Variants in LSAMP observed in about 807,000 individuals in gnomAD.
LSAMP encodes the protein limbic system associated membrane protein, also known as limbic system-associated membrane protein.
Under a neutral mutation model 38.6 loss-of-function variants are expected in LSAMP, and 7 were observed. That is an observed-to-expected ratio of 0.18 (90% CI 0.10 to 0.34). The LOEUF is 0.34. Ranked by LOEUF, LSAMP falls within the 10% of genes least tolerant of loss-of-function variation. LSAMP has a pLI of 1.00. For missense variants in LSAMP, 313 were observed against 420.0 expected (o/e 0.75, Z 2.23); for synonymous variants, 154 against 166.8 (o/e 0.92, Z 0.59).
intron 1 of LSAMP, among the ~76,000 whole-genome samples, chr3:116,320,527 G>T (rs1559827095): frequency 6.6e-6 from 1 of 152,074 alleles, no homozygotes; most frequent in African/African-American, 2.4e-5. Context: ...AGAAGTATTG[G>T]ATTCTCCTAG....
chr3:116,062,759 T>C (rs541656390), intron 2 of LSAMP, among the ~76,000 whole-genome samples: 49 of 152,318 alleles, frequency 3.2e-4, no homozygotes, highest in African/African-American at 1.2e-3. Context: ...TCAAAGACCT[T>C]GATATCTTGG....
At chr3:115,838,881 CACACCAAT>C (rs1336077356) in intron 6 of LSAMP, among the ~76,000 whole-genome samples, 1 of 152,182 alleles carries the variant, frequency 6.6e-6, no homozygotes, top group African/African-American at 2.4e-5. Context: ...AATGCGCTGA[CACACCAAT>C]GAAGATGAAT....
intron 6 of LSAMP, among the ~76,000 whole-genome samples, chr3:115,820,090 T>C (rs920608665): frequency 1.7e-4 from 26 of 148,590 alleles, no homozygotes; most frequent in African/African-American, 6.3e-4. Flanking sequence ...TTTTCTGTTG[T>C]TATAGACAGA....
chr3:116,058,802 A>G (rs1941537937), intron 2 of LSAMP, among the ~76,000 whole-genome samples: 1 of 152,212 alleles, frequency 6.6e-6, no homozygotes, highest in Non-Finnish European at 1.5e-5. Flanking sequence ...TGGGACATAA[A>G]TGTTAAACTG....
At chr3:116,177,974 C>T (rs542778425) in intron 1 of LSAMP, among the ~76,000 whole-genome samples, 1 of 152,194 alleles carries the variant, frequency 6.6e-6, no homozygotes, top group Admixed American at 6.5e-5. Flanking sequence ...AATCAATGGG[C>T]AGTCTTGAAA....
intron 3 of LSAMP, among the ~76,000 whole-genome samples, chr3:115,953,587 T>C (rs1938362359): frequency 6.6e-6 from 1 of 152,176 alleles, no homozygotes; most frequent in African/African-American, 2.4e-5. Flanking sequence ...AGCAAAATGC[T>C]GGTGACCAGG....
At chr3:116,199,260 A>T (rs2045956015) in intron 1 of LSAMP, among the ~76,000 whole-genome samples, 1 of 152,126 alleles carries the variant, frequency 6.6e-6, no homozygotes, top group Non-Finnish European at 1.5e-5. Context: ...CTGTTAAGAA[A>T]TACATGGTTA....
Position 115,806,341 on chromosome 3 carries a change from A to G in LSAMP, c.*3976T>C, listed in dbSNP as rs1191460762. ...AGATAAAAAATACACACACATATAT[A>G]TTATTGTTTTCCACAAATAATTCGA... On this transcript the variant is annotated 3_prime_UTR_variant, in exon 7 of 7. Transcript: ENST00000490035. 1 of 152,202 alleles carries G rather than the reference A, an allele frequency of 6.6e-6. No individual in the cohort carries two copies. Among genetic ancestry groups the G allele is most frequent in the Non-Finnish European group, 1.5e-5 (1 of 68,034 alleles). The allele number at this position is 152,202 out of a possible 1,614,324, so 9.4% of individuals were successfully genotyped here. A position where few individuals can be genotyped will look rare whatever the true frequency, so the allele number is the denominator to read the frequency against.
At chr3:116,405,364 T>A (rs750047500) in intron 1 of LSAMP, among the ~76,000 whole-genome samples, 1 of 152,118 alleles carries the variant, frequency 6.6e-6, no homozygotes, top group Non-Finnish European at 1.5e-5. Context: ...TACTTACTTA[T>A]CTTCCGGATA....
Position 115,810,087 on chromosome 3 carries a change from C to T in LSAMP, c.*230G>A. On this transcript the variant is annotated 3_prime_UTR_variant, in exon 7 of 7. Coordinates refer to ENST00000490035, the MANE Select transcript of LSAMP (RefSeq NM_002338.5). ...TATAAACATATCCCAGTAGAACCTT[C>T]TCCATCCTGAATGATACATAAATTT... 1 of 492,230 alleles carries T rather than the reference C, an allele frequency of 2.0e-6. No homozygotes were observed. 30.5% of individuals were successfully genotyped at this position (492,230 alleles called of 1,614,324 possible).
chr3:116,109,188 A>G (rs1708539617), intron 1 of LSAMP, among the ~76,000 whole-genome samples: 2 of 152,180 alleles, frequency 1.3e-5, no homozygotes. Flanking sequence ...ATTAACCTTG[A>G]CTATGCCTTT....
intron 1 of LSAMP, among the ~76,000 whole-genome samples, chr3:116,345,916 C>G (rs1490431481): frequency 1.3e-5 from 2 of 152,138 alleles, no homozygotes; most frequent in Non-Finnish European, 2.9e-5. Flanking sequence ...ATAATAATTA[C>G]AGACTGCTTC....
chr3:115,936,045 C>A (rs1334767351), intron 3 of LSAMP, among the ~76,000 whole-genome samples: 1 of 152,126 alleles, frequency 6.6e-6, no homozygotes, highest in African/African-American at 2.4e-5. Context: ...TCTTGAACAC[C>A]CATAAGCCAA....
chr3:115,864,306 TC>T (rs1935796497), intron 3 of LSAMP, among the ~76,000 whole-genome samples: 1 of 152,182 alleles, frequency 6.6e-6, no homozygotes, highest in African/African-American at 2.4e-5. Flanking sequence ...CAGATTGCAC[TC>T]CAGTTCCCAG....
chr3:116,182,551 A>G (rs1710511657), intron 1 of LSAMP, among the ~76,000 whole-genome samples: 1 of 151,758 alleles, frequency 6.6e-6, no homozygotes, highest in African/African-American at 2.4e-5. Flanking sequence ...CAATTTTTTC[A>G]GGGTAGGTGT....
intron 1 of LSAMP, among the ~76,000 whole-genome samples, chr3:116,275,563 T>G (rs2047039442): frequency 6.6e-6 from 1 of 152,146 alleles, no homozygotes. Flanking sequence ...AGAATTTCAT[T>G]GCATTTTCCG....
chr3:116,130,621 TAATG>T (rs1259345083), intron 1 of LSAMP, among the ~76,000 whole-genome samples: 1 of 152,236 alleles, frequency 6.6e-6, no homozygotes, highest in East Asian at 1.9e-4. Flanking sequence ...TTGATGGTAA[TAATG>T]GGAATCCAAA....
chr3:116,043,482 A>C (rs1390770222), intron 2 of LSAMP, among the ~76,000 whole-genome samples: 2 of 152,164 alleles, frequency 1.3e-5, no homozygotes, highest in African/African-American at 4.8e-5. Context: ...CACCCCACAC[A>C]AGGCAACAAA....
At chr3:116,090,322 T>TACTG (rs1203308305) in intron 1 of LSAMP, among the ~76,000 whole-genome samples, 2 of 152,174 alleles carry the variant, frequency 1.3e-5, no homozygotes, top group Non-Finnish European at 2.9e-5. Context: ...TCATACAGTG[T>TACTG]ACTGACAGAC....
Sources: gnomAD v4.1 joint callset for allele counts (sites outside exome capture counted in the v4.1 genomes callset) on GRCh38, gnomAD v4.1.1 for gene constraint, MANE v1.5 for transcripts, NCBI Gene and HGNC (gene_info 2026-07-23, HGNC 2026-07-21) for gene names.